The following ACTN2 variants were observed in gnomAD, a reference collection of about 807,000 sequenced individuals.
ACTN2 encodes actinin alpha 2, also known as alpha-actinin-2.
ACTN2 carries 39 observed loss-of-function variants against 113.8 expected under a neutral mutation model. That is an observed-to-expected ratio of 0.34 (90% CI 0.27 to 0.45). The LOEUF (loss-of-function observed/expected upper bound fraction) is 0.45. Ranked by LOEUF, ACTN2 falls within the 20% of genes least tolerant of loss-of-function variation. ACTN2 has a pLI of 1.00. For synonymous variants in ACTN2, 429 were observed against 444.1 expected (o/e 0.97, Z 0.43); for missense variants, 992 against 1,177.9 (o/e 0.84, Z 2.31).
At chr1:236,741,808 A>T (rs1478843042) in intron 10 of ACTN2, among the ~76,000 whole-genome samples, 2 of 152,062 alleles carry the variant, frequency 1.3e-5, no homozygotes, top group African/African-American at 4.8e-5. Context: ...TAAAAATGTG[A>T]ATCAGATCTC....
chr1:236,754,678 C>T lies in ACTN2; in HGVS notation c.1975-341C>T, dbSNP rs1018011299. 2.6e-5 allele frequency among the ~76,000 whole-genome samples: 4 copies of T among 151,798 alleles called. No homozygotes were observed. Among genetic ancestry groups the T allele is most frequent in the African/African-American group, 9.7e-5 (4 of 41,052 alleles). On this transcript the variant is annotated intron_variant, in intron 16 of 20. Transcript: ENST00000366578. The surrounding 1 kb of genome is among the most constrained non-coding windows in gnomAD (Gnocchi z 4.9). ...TGTCTGGCAGCTCCACCCAGGCAGCCCACCCCCAGCCTCCTCCAGAGCAGG... is the reference window on the plus strand; with the variant it reads ...TGTCTGGCAGCTCCACCCAGGCAGCTCACCCCCAGCCTCCTCCAGAGCAGG...
At chr1:236,739,852 G>C (rs1659014708) in intron 10 of ACTN2, among the ~76,000 whole-genome samples, 1 of 151,984 alleles carries the variant, frequency 6.6e-6, no homozygotes, top group Admixed American at 6.6e-5. Context: ...TGTGTCTTCT[G>C]TTCCCTGCTG....
At chr1:236,735,301 C>T (rs1558239110) in intron 7 of ACTN2, among the ~76,000 whole-genome samples, 1 of 152,072 alleles carries the variant, frequency 6.6e-6, no homozygotes, top group Non-Finnish European at 1.5e-5. Flanking sequence ...ACCGGAGTCA[C>T]GAGGAAGGGG....
intron 9 of ACTN2, 143 bp from the exon 10 acceptor site, chr1:236,739,159 G>A: frequency 1.2e-6 from 1 of 860,270 alleles, no homozygotes. Flanking sequence ...TCTCGTTCAT[G>A]CCTCTGTGCG....
chr1:236,743,375 C>T (rs575686278), intron 11 of ACTN2, among the ~76,000 whole-genome samples: 1 of 152,304 alleles, frequency 6.6e-6, no homozygotes, highest in Non-Finnish European at 1.5e-5. Flanking sequence ...TCAGATAGCC[C>T]TGGGCCAACC....
At chr1:236,698,145 CAT>C (rs1400641221) in intron 1 of ACTN2, among the ~76,000 whole-genome samples, 2 of 151,000 alleles carry the variant, frequency 1.3e-5, no homozygotes, top group Non-Finnish European at 2.9e-5. Context: ...AAGTCTGTGA[CAT>C]AAAATTCTTC....
rs754954434 is a variant in ACTN2, at chr1:236,737,226, T to G, written c.876+12T>G. 6.4e-7 allele frequency: 1 copy of G among 1,554,164 alleles called. No homozygotes were observed. Among genetic ancestry groups the G allele is most frequent in the Non-Finnish European group, 8.8e-7 (1 of 1,140,604 alleles). ...GGCTAGCGAGTGAGGTAAAGGAAAC[T>G]GGTGACCTGCAGTTCTGTCCATCCT... On this transcript the variant is annotated intron_variant, in intron 9 of 20. Coordinates refer to ENST00000366578, the MANE Select transcript of ACTN2 (RefSeq NM_001103.4).
At chr1:236,727,141 A>G (rs1658575809) in intron 5 of ACTN2, among the ~76,000 whole-genome samples, 1 of 151,740 alleles carries the variant, frequency 6.6e-6, no homozygotes, top group African/African-American at 2.4e-5. Flanking sequence ...TGCTAATTGC[A>G]TGTCCTCCTT....
At chr1:236,730,027 C>T (rs996211899) in intron 6 of ACTN2, among the ~76,000 whole-genome samples, 3 of 152,162 alleles carry the variant, frequency 2.0e-5, no homozygotes, top group African/African-American at 7.2e-5. Flanking sequence ...TGTATGAAAT[C>T]CCACGTGCAC....
In ACTN2 at chr1:236,720,154, C is replaced by T; in HGVS notation, c.411C>T (p.Ile137=). 1 of 1,613,840 alleles carries T rather than the reference C, an allele frequency of 6.2e-7. No individual in the cohort carries two copies. The highest frequency in any genetic ancestry group is 8.5e-7 in the Non-Finnish European group (1 of 1,179,744). ...VKMTLGMIWT[I]ILRFAIQDIS... is the part of the protein sequence containing the mutation. ...TGACCCTGGGTATGATCTGGACCAT[C>T]ATCCTTCGCTTTGCTATTCAGGATA... The change falls in exon 4 of 21, where the codon ATC becomes ATT. Residue 137 remains isoleucine (I), a synonymous_variant. Coordinates refer to ENST00000366578, the MANE Select transcript of ACTN2 (RefSeq NM_001103.4).
Position 236,744,694 on chromosome 1 carries a change from C to A in ACTN2, c.1324C>A (p.Arg442=). The stretch of plus-strand genomic sequence containing the variant: ...GCTGACAGAGGTGCGGGCTCTGCTG[C>A]GGAAGCACGAGGCGTTCGAGAGCGA... The part of the protein sequence containing the change: ...ASLTEVRALL[R]KHEAFESDLA... The change falls in exon 12 of 21, where the codon CGG becomes AGG. Residue 442 remains arginine, a synonymous_variant. Coordinates refer to ENST00000366578, the MANE Select transcript of ACTN2 (RefSeq NM_001103.4). The A allele has an allele frequency of 6.2e-7, 1 of 1,614,214 alleles. No individual in the cohort carries two copies. The highest frequency in any genetic ancestry group is 8.5e-7 in the Non-Finnish European group (1 of 1,180,042).
At chr1:236,706,946 C>T (rs707212) in intron 1 of ACTN2, among the ~76,000 whole-genome samples, 152,295 of 152,314 alleles carry the variant, frequency 1, 76,138 homozygotes, top group Non-Finnish European at 1. Context: ...ATTAATAATA[C>T]GTATGCATGC....
intron 1 of ACTN2, among the ~76,000 whole-genome samples, chr1:236,709,740 C>A (rs1657970089): frequency 6.6e-6 from 1 of 152,172 alleles, no homozygotes; most frequent in Admixed American, 6.5e-5. Flanking sequence ...GGTTTAAAAG[C>A]TACATGTTCT....
chr1:236,705,757 T>A (rs2102875256), intron 1 of ACTN2, among the ~76,000 whole-genome samples: 1 of 152,360 alleles, frequency 6.6e-6, no homozygotes, highest in African/African-American at 2.4e-5. Context: ...ATGGGGGTGA[T>A]TCCATATATC....
In ACTN2 at chr1:236,707,683, T is replaced by G. The variant is rs954288193; in HGVS notation, c.127-10175T>G. On this transcript the variant is annotated intron_variant, in intron 1 of 20. Coordinates refer to ENST00000366578, the MANE Select transcript of ACTN2 (RefSeq NM_001103.4). ...GCTTTTCTTTTCTTTTTTCTTTTCT[T>G]TCTTTTCTTTTCTTTTCTTTTTTTT... is the stretch of plus-strand genomic sequence containing the variant. Among the ~76,000 whole-genome samples the G allele has an allele frequency of 1.3e-4, 19 of 141,254 alleles. No homozygotes were observed. In the South Asian group the frequency reaches 2.9e-3, roughly 22 times the overall value. The allele number at this position is 141,254 out of a possible 152,430, so 92.7% of individuals were successfully genotyped here. A position where few individuals can be genotyped will look rare whatever the true frequency, so the allele number is the denominator to read the frequency against.
rs555642062 is a variant in ACTN2, at chr1:236,692,484, A to G, written c.126+5685A>G. ...TGGCAAATCCGGTGTCCATGTGGCC[A>G]TTGCTGGGAGGGAGAGGTGGAATTG... On this transcript the variant is annotated intron_variant, in intron 1 of 20. Transcript: ENST00000366578. 3.9e-4 allele frequency among the ~76,000 whole-genome samples: 59 copies of G among 152,324 alleles called. No individual in the cohort carries two copies. In the South Asian group the frequency reaches 0.012, roughly 30 times the overall value.
At chr1:236,721,022 G>GTTTTTTTTTTTTTTTTTTTTTTTTT (rs869077774) in intron 4 of ACTN2, among the ~76,000 whole-genome samples, 1 of 66,508 alleles carries the variant, frequency 1.5e-5, no homozygotes, top group Non-Finnish European at 2.6e-5. Context: ...TTTGTTTTTT[G>GTTTTTTTTTTTTTTTTTTTTTTTTT]TTTTTTTTTT....
chr1:236,691,864 C>T (rs1666095682), intron 1 of ACTN2, among the ~76,000 whole-genome samples: 1 of 152,128 alleles, frequency 6.6e-6, no homozygotes, highest in South Asian at 2.1e-4. Flanking sequence ...TGTGTTTGTG[C>T]ACGTGTGATA....
In ACTN2 at chr1:236,686,627, C is replaced by T. The variant is rs1665875777; in HGVS notation, c.-47C>T. 2.6e-6 allele frequency: 4 copies of T among 1,517,252 alleles called. No individual in the cohort carries two copies. Among genetic ancestry groups the T allele is most frequent in the Admixed American group, 2.0e-5 (1 of 49,534 alleles). The allele number at this position is 1,517,252 out of a possible 1,614,324, so 94.0% of individuals were successfully genotyped here. A position where few individuals can be genotyped will look rare whatever the true frequency, so the allele number is the denominator to read the frequency against. On this transcript the variant is annotated 5_prime_UTR_variant, in exon 1 of 21. Transcript: ENST00000366578. The stretch of plus-strand genomic sequence containing the variant: ...GGGTCCGTTTGCCAGTCAGCCCGTG[C>T]GTCCGAGCCCCTCGCGCCCCGCCGC...
Sources: gnomAD v4.1 joint callset for allele counts (sites outside exome capture counted in the v4.1 genomes callset) on GRCh38, gnomAD v4.1.1 for gene constraint, Gnocchi (gnomAD v3.1) non-coding constraint, MANE v1.5 for transcripts, NCBI Gene and HGNC (gene_info 2026-07-23, HGNC 2026-07-21) for gene names.